The following SORCS3 variants were observed in gnomAD, a reference collection of about 807,000 sequenced individuals.
SORCS3 encodes VPS10 domain-containing receptor SorCS3.
A neutral mutation model predicts 146.3 loss-of-function variants in SORCS3; 57 were observed. The observed-to-expected ratio is 0.39, with a 90% CI of 0.31 to 0.49. SORCS3 has a LOEUF of 0.49. Among genes scored for constraint, SORCS3 ranks in the 20% least tolerant of loss-of-function variants. The pLI is 0.92. For synonymous variants in SORCS3, 653 were observed against 618.5 expected, an observed-to-expected ratio of 1.06 and a Z score of -0.83; for missense variants, 1,341 against 1,575.5, an observed-to-expected ratio of 0.85 and a Z score of 2.52.
chr10:105,262,457 G>A lies in SORCS3; in HGVS notation c.3570G>A (p.Glu1190=), dbSNP rs767360099. The A allele has an allele frequency of 2.5e-6, 4 of 1,614,002 alleles. No homozygotes were observed. The highest frequency in any genetic ancestry group is 3.4e-6 in the Non-Finnish European group (4 of 1,179,940). Reference sequence around the variant, plus strand: ...TCAGTGACTTTACGGAGCCTGAGGAGCTGCTGGACAAAGAGCTGGACACGC... The same window carrying A: ...TCAGTGACTTTACGGAGCCTGAGGAACTGCTGGACAAAGAGCTGGACACGC... ...ITLSDFTEPE[E]LLDKELDTRV... is the part of the protein sequence containing the mutation. Residue 1190 remains glutamate (E), a synonymous_variant, in exon 26 of 27, where the codon GAG becomes GAA. Coordinates refer to ENST00000369701, the MANE Select transcript of SORCS3 (RefSeq NM_014978.3).
At chr10:105,062,843 G>T (rs1425950926) in intron 5 of SORCS3, among the ~76,000 whole-genome samples, 1 of 152,158 alleles carries the variant, frequency 6.6e-6, no homozygotes, top group Non-Finnish European at 1.5e-5. Context: ...CTTTCATCTA[G>T]CCCCACCACA....
intron 1 of SORCS3, among the ~76,000 whole-genome samples, chr10:104,732,202 G>A (rs894990102): frequency 6.6e-6 from 1 of 152,164 alleles, no homozygotes; most frequent in African/African-American, 2.4e-5. Flanking sequence ...TATTGGATAA[G>A]AGCTCCAACA....
chr10:105,232,590 T>C (rs1161469152), intron 20 of SORCS3, among the ~76,000 whole-genome samples: 10 of 151,904 alleles, frequency 6.6e-5, no homozygotes. Flanking sequence ...CTTGGAGTTT[T>C]TTTTTTCTTG....
chr10:105,039,023 T>G (rs61309696), intron 4 of SORCS3, among the ~76,000 whole-genome samples: 13,395 of 152,248 alleles, frequency 0.088, 810 homozygotes, highest in African/African-American at 0.17. Flanking sequence ...TTGCATGGCA[T>G]TATAATTGCA....
At chr10:104,978,653 C>T (rs1009928102) in intron 4 of SORCS3, among the ~76,000 whole-genome samples, 1 of 152,206 alleles carries the variant, frequency 6.6e-6, no homozygotes, top group Non-Finnish European at 1.5e-5. Flanking sequence ...TCTGTTACCA[C>T]TTCTAAATAT....
At chr10:104,824,611 G>C (rs1017383184) in intron 1 of SORCS3, among the ~76,000 whole-genome samples, 12 of 152,136 alleles carry the variant, frequency 7.9e-5, no homozygotes, top group Non-Finnish European at 5.9e-5. Context: ...GGGTGCTGGA[G>C]GTGCTGAGCG....
At position 104,890,196 on chromosome 10, in the gene SORCS3, A is replaced by G. The variant is rs150365389; in HGVS notation, c.696-25637A>G. On this transcript the variant is annotated intron_variant, in intron 2 of 26. Transcript: ENST00000369701. ...TTTTGTGCTTCTCGGATATCGACTT[A>G]TAGTTTTCACCAGGTTTTGAAAATA... is the stretch of plus-strand genomic sequence containing the variant. Among the ~76,000 whole-genome samples, 519 of 152,186 alleles carry G rather than the reference A, an allele frequency of 3.4e-3. 1 individual carries two copies. Among genetic ancestry groups the G allele is most frequent in the Non-Finnish European group, 6.3e-3 (429 of 67,996 alleles).
rs191676757 is a variant in SORCS3 at position 105,164,247 on chromosome 10, A to G, written c.1733-56A>G. 290 of 1,345,074 alleles carry G rather than the reference A, an allele frequency of 2.2e-4. No individual in the cohort carries two copies. In the African/African-American group the frequency reaches 3.9e-3, roughly 18 times the overall value. 83.3% of individuals were successfully genotyped at this position (1,345,074 alleles called of 1,614,324 possible). ...CTCTGCTCCCCCATCCCTCAGCCCT[A>G]AGCACACTTAATTGGTAAACTCCTG... On this transcript the variant is annotated intron_variant, in intron 11 of 26. Transcript: ENST00000369701.
chr10:104,915,995 G>A (rs974249114), intron 3 of SORCS3, 63 bp downstream of exon 3: 11 of 1,281,430 alleles, frequency 8.6e-6, no homozygotes, highest in Admixed American at 1.7e-5. Context: ...ATTAGGGCCA[G>A]AGGTTAAGGA....
intron 16 of SORCS3, among the ~76,000 whole-genome samples, chr10:105,209,229 C>A (rs956468517): frequency 6.6e-6 from 1 of 152,024 alleles, no homozygotes; most frequent in Non-Finnish European, 1.5e-5. Context: ...GTAACTTCCA[C>A]CTCCTGGGTT....
At position 105,262,323 on chromosome 10, in the gene SORCS3, C is replaced by G; in HGVS notation, c.3444-8C>G. On this transcript the variant is annotated splice_region_variant and splice_polypyrimidine_tract_variant and intron_variant, in intron 25 of 26. Coordinates refer to ENST00000369701, the MANE Select transcript of SORCS3 (RefSeq NM_014978.3). ...ATCTTAACCTGATTTTGCTCCTGTC[C>G]CATGTAGGAAAATCCCTTGGATTAA... 6.2e-7 allele frequency: 1 copy of G among 1,611,270 alleles called. No individual in the cohort carries two copies. Among genetic ancestry groups the G allele is most frequent in the African/African-American group, 1.3e-5 (1 of 74,972 alleles).
chr10:104,799,257 C>T (rs183681370), intron 1 of SORCS3, among the ~76,000 whole-genome samples: 118 of 152,018 alleles, frequency 7.8e-4, no homozygotes, highest in Non-Finnish European at 1.2e-3. Context: ...ATGTTTATTG[C>T]GGCACTATTC....
At chr10:104,900,271 A>G (rs758577994) in intron 2 of SORCS3, among the ~76,000 whole-genome samples, 1 of 152,126 alleles carries the variant, frequency 6.6e-6, no homozygotes, top group Non-Finnish European at 1.5e-5. Context: ...CAGGTTTGGT[A>G]TCTTTAAGAT....
intron 3 of SORCS3, among the ~76,000 whole-genome samples, chr10:104,953,439 G>T (rs952089222): frequency 1.3e-5 from 2 of 152,184 alleles, no homozygotes; most frequent in African/African-American, 4.8e-5. Context: ...TAATTGGAGT[G>T]CTTGTTAAAA....
Position 104,972,515 on chromosome 10 carries a change from A to G in SORCS3, c.796-4820A>G, listed in dbSNP as rs544148390. Among the ~76,000 whole-genome samples the G allele has an allele frequency of 3.9e-5, 6 of 152,304 alleles. No individual in the cohort carries two copies. The East Asian group carries it at 1.2e-3, about 29-fold the overall frequency. On this transcript the variant is annotated intron_variant, in intron 3 of 26. Coordinates refer to ENST00000369701, the MANE Select transcript of SORCS3 (RefSeq NM_014978.3). ...TAAAACAATTCAGAAAGAACAAAACAAACAATGGGATCATGGCAGCATGGC... is the reference window on the plus strand; with the variant it reads ...TAAAACAATTCAGAAAGAACAAAACGAACAATGGGATCATGGCAGCATGGC...
intron 12 of SORCS3, among the ~76,000 whole-genome samples, chr10:105,166,844 AGACTATT>A (rs1295028352): frequency 6.6e-6 from 1 of 152,208 alleles, no homozygotes; most frequent in Non-Finnish European, 1.5e-5. Flanking sequence ...TATAAAACAC[AGACTATT>A]GACAAATTAG....
intron 5 of SORCS3, among the ~76,000 whole-genome samples, chr10:105,071,848 G>A (rs1388953223): frequency 6.6e-6 from 1 of 152,198 alleles, no homozygotes; most frequent in Non-Finnish European, 1.5e-5. Flanking sequence ...GCTTAAGTTT[G>A]TGTAATTTTT....
intron 1 of SORCS3, among the ~76,000 whole-genome samples, chr10:104,736,173 T>C (rs998361348): frequency 6.6e-6 from 1 of 152,208 alleles, no homozygotes; most frequent in African/African-American, 2.4e-5. Context: ...TCCTAATTCT[T>C]GAGCACTTGA....
intron 9 of SORCS3, 69 bp downstream of exon 9, chr10:105,147,865 C>A: frequency 7.3e-7 from 1 of 1,362,490 alleles, no homozygotes; most frequent in Middle Eastern, 1.9e-4. Context: ...GGTATAAACA[C>A]AAGCACTGGA....
Sources: allele counts gnomAD v4.1 joint callset (sites outside exome capture counted in the v4.1 genomes callset), GRCh38; gene constraint gnomAD v4.1.1; transcripts MANE v1.5; gene names NCBI Gene and HGNC (gene_info 2026-07-23, HGNC 2026-07-21).